XKR9: variants seen among roughly 807,000 people sequenced by gnomAD.
The protein encoded by XKR9 is XK-related protein 9.
XKR9 carries 32 observed loss-of-function variants against 32.0 expected under a neutral mutation model. The ratio of observed to expected loss-of-function variants is 1.00; its 90% CI spans 0.76 to 1.34. The LOEUF is 1.34. Ranked by LOEUF, XKR9 falls within the 40% of genes most tolerant of loss-of-function variation. The pLI is 0.00. For synonymous variants in XKR9, 168 were observed against 143.4 expected, an observed-to-expected ratio of 1.17 and a Z score of -1.22; for missense variants, 546 against 429.7, an observed-to-expected ratio of 1.27 and a Z score of -2.39.
At chr8:70,717,596 A>G (rs1806134725) in intron 4 of XKR9, among the ~76,000 whole-genome samples, 1 of 152,200 alleles carries the variant, frequency 6.6e-6, no homozygotes, top group Admixed American at 6.5e-5. Flanking sequence ...CTGAGGCTGC[A>G]TAGAGCAGGG....
At chr8:70,949,256 T>C in the XKR9 span, among the ~76,000 whole-genome samples, 1 of 152,202 alleles carries the variant, frequency 6.6e-6, no homozygotes, top group Non-Finnish European at 1.5e-5. Context: ...TCTGCACCGT[T>C]GCTAAATAAG....
intron 2 of XKR9, among the ~76,000 whole-genome samples, chr8:70,752,376 A>T (rs1807154775): frequency 6.6e-6 from 1 of 152,154 alleles, no homozygotes; most frequent in South Asian, 2.1e-4. Flanking sequence ...TTCAAGATTG[A>T]GTGGCCACAT....
the XKR9 span, among the ~76,000 whole-genome samples, chr8:70,895,175 G>A: frequency 1.3e-5 from 2 of 152,092 alleles, no homozygotes; most frequent in Admixed American, 6.5e-5. Flanking sequence ...CCTCATTGTA[G>A]AGAGAGGTTT....
intron 4 of XKR9, among the ~76,000 whole-genome samples, chr8:70,718,129 G>T (rs1806151929): frequency 2.0e-5 from 3 of 151,994 alleles, no homozygotes; most frequent in African/African-American, 7.3e-5. Flanking sequence ...ACATCTTCCA[G>T]TTTTCTGAGC....
the XKR9 span, among the ~76,000 whole-genome samples, chr8:70,835,160 G>A: frequency 2.1e-4 from 32 of 152,030 alleles, no homozygotes; most frequent in African/African-American, 7.0e-4. Context: ...TAGAGTGTCA[G>A]CTCAAAGATC....
intron 2 of XKR9, among the ~76,000 whole-genome samples, chr8:70,788,719 A>G (rs1807724218): frequency 6.6e-6 from 1 of 152,150 alleles, no homozygotes; most frequent in African/African-American, 2.4e-5. Context: ...GGAGTTGCCT[A>G]ACCTGCTAGT....
chr8:70,978,323 C>G, the XKR9 span, among the ~76,000 whole-genome samples: 31 of 152,154 alleles, frequency 2.0e-4, no homozygotes, highest in African/African-American at 7.2e-4. Flanking sequence ...CAATTTCTCT[C>G]TAGCATCGAT....
At chr8:71,013,011 C>T in the XKR9 span, among the ~76,000 whole-genome samples, 1 of 152,190 alleles carries the variant, frequency 6.6e-6, no homozygotes, top group African/African-American at 2.4e-5. Context: ...TGTTTAACCC[C>T]ACCCTCCTCT....
intron 3 of XKR9, among the ~76,000 whole-genome samples, chr8:70,688,272 T>G (rs1334620971): frequency 1.3e-5 from 2 of 152,172 alleles, no homozygotes; most frequent in African/African-American, 4.8e-5. Flanking sequence ...GTGTCACAGT[T>G]TTTGATGTGA....
intron 2 of XKR9, among the ~76,000 whole-genome samples, chr8:70,749,015 G>C (rs1167031350): frequency 3.3e-5 from 5 of 152,170 alleles, no homozygotes; most frequent in Non-Finnish European, 5.9e-5. Flanking sequence ...TGGACAACCT[G>C]CCTGTGGAAA....
chr8:70,763,124 A>G (rs1807329602), intron 2 of XKR9, among the ~76,000 whole-genome samples: 1 of 152,178 alleles, frequency 6.6e-6, no homozygotes, highest in African/African-American at 2.4e-5. Flanking sequence ...AGTCTGTGAG[A>G]AAGGGATGAA....
chr8:71,046,270 C>T, the XKR9 span, among the ~76,000 whole-genome samples: 1 of 152,288 alleles, frequency 6.6e-6, no homozygotes, highest in Admixed American at 6.5e-5. Flanking sequence ...ATCATTTCTT[C>T]CCAACAGCCG....
the XKR9 span, among the ~76,000 whole-genome samples, chr8:70,879,090 A>G: frequency 6.6e-6 from 1 of 152,232 alleles, no homozygotes; most frequent in Non-Finnish European, 1.5e-5. Context: ...AGAAATAAAG[A>G]TGCTCTTTGA....
At chr8:70,818,915 CTG>C in the XKR9 span, among the ~76,000 whole-genome samples, 1 of 152,178 alleles carries the variant, frequency 6.6e-6, no homozygotes, top group African/African-American at 2.4e-5. Context: ...AAAAGCACTC[CTG>C]TCTTTCTAAA....
At chr8:70,698,375 G>T (rs1306490178) in intron 3 of XKR9, among the ~76,000 whole-genome samples, 2 of 152,214 alleles carry the variant, frequency 1.3e-5, no homozygotes, top group Non-Finnish European at 2.9e-5. Flanking sequence ...AGAGATTCTG[G>T]TATGTTTTGT....
the XKR9 span, among the ~76,000 whole-genome samples, chr8:70,941,018 G>A: frequency 5.3e-5 from 8 of 152,040 alleles, no homozygotes; most frequent in South Asian, 1.5e-3. Flanking sequence ...ACATTTTGGG[G>A]TGAACAATTC....
chr8:70,789,535 A>C (rs560353463), intron 3 of XKR9: 5 of 152,180 alleles, frequency 3.3e-5, no homozygotes, highest in African/African-American at 1.2e-4. Context: ...GGTACAAAAG[A>C]ATGAAGTAGA....
At chr8:70,686,520 T>G (rs1275200853) in intron 3 of XKR9, among the ~76,000 whole-genome samples, 1 of 152,012 alleles carries the variant, frequency 6.6e-6, no homozygotes, top group Non-Finnish European at 1.5e-5. Context: ...ATTGGCTCAC[T>G]GCAACCTCCG....
At chr8:70,888,032 C>T in the XKR9 span, among the ~76,000 whole-genome samples, 1 of 152,016 alleles carries the variant, frequency 6.6e-6, no homozygotes, top group Non-Finnish European at 1.5e-5. Context: ...CCAGCTTTTG[C>T]CCATTCAGTA....
Sources: gnomAD v4.1 joint callset for allele counts (sites outside exome capture counted in the v4.1 genomes callset) on GRCh38, gnomAD v4.1.1 for gene constraint, MANE v1.5 for transcripts, NCBI Gene and HGNC (gene_info 2026-07-23, HGNC 2026-07-21) for gene names.